Variants in DLG2 observed in about 807,000 individuals in gnomAD.
DLG2 encodes discs large MAGUK scaffold protein 2, also known as disks large homolog 2.
DLG2 carries 45 observed loss-of-function variants against 132.5 expected under a neutral mutation model. That is an observed-to-expected ratio of 0.34 (90% CI 0.27 to 0.44). The LOEUF (loss-of-function observed/expected upper bound fraction) is 0.44. Among genes scored for constraint, DLG2 ranks in the 20% least tolerant of loss-of-function variants. DLG2 has a pLI of 1.00. For missense variants in DLG2, 1,045 were observed against 1,196.9 expected (o/e 0.87, Z 1.87); for synonymous variants, 424 against 419.6 (o/e 1.01, Z -0.13).
intron 3 of DLG2, among the ~76,000 whole-genome samples, chr11:85,443,845 C>G (rs1012213003): frequency 3.3e-5 from 5 of 152,164 alleles, no homozygotes; most frequent in African/African-American, 1.2e-4. Flanking sequence ...TTTTATCAAG[C>G]TGTTCTTTGG....
At chr11:84,226,864 G>C (rs2097003515) in intron 8 of DLG2, among the ~76,000 whole-genome samples, 1 of 151,930 alleles carries the variant, frequency 6.6e-6, no homozygotes, top group South Asian at 2.1e-4. Context: ...AAGGCAGGCG[G>C]CACATGAGGT....
intron 8 of DLG2, among the ~76,000 whole-genome samples, chr11:84,177,534 A>G (rs1414622983): frequency 6.6e-6 from 1 of 152,200 alleles, no homozygotes; most frequent in African/African-American, 2.4e-5. Context: ...GAAAAGTTAA[A>G]TAGCCTGAGT....
At chr11:84,970,017 T>A (rs756007323) in intron 6 of DLG2, among the ~76,000 whole-genome samples, 13 of 151,740 alleles carry the variant, frequency 8.6e-5, no homozygotes, top group Non-Finnish European at 1.8e-4. Context: ...GGGCCTTTTG[T>A]GGGGTGGGGG....
At chr11:85,268,150 G>A (rs72950128) in intron 4 of DLG2, among the ~76,000 whole-genome samples, 7,329 of 152,150 alleles carry the variant, frequency 0.048, 232 homozygotes, top group East Asian at 0.095. Context: ...TTACTGACAC[G>A]TTCTTCATGC....
At chr11:85,321,729 G>A (rs2081082473) in intron 3 of DLG2, among the ~76,000 whole-genome samples, 1 of 152,028 alleles carries the variant, frequency 6.6e-6, no homozygotes, top group Admixed American at 6.6e-5. Context: ...GATCAACTGT[G>A]ACAAAAGATT....
chr11:83,957,568 T>C (rs1009053386), intron 14 of DLG2, among the ~76,000 whole-genome samples: 2 of 133,468 alleles, frequency 1.5e-5, no homozygotes, highest in African/African-American at 6.0e-5. Flanking sequence ...TTTTTTTTTT[T>C]TTTAAAAACA....
rs556433554 is a variant in DLG2, at chr11:83,486,206, A to G, written c.2194-1978T>C. The G allele has an allele frequency of 2.9e-3, 2,028 of 689,656 alleles. 34 individuals are homozygous for G. The highest frequency in any genetic ancestry group is 7.8e-4 in the Non-Finnish European group (299 of 380,912). 42.7% of individuals were successfully genotyped at this position (689,656 alleles called of 1,614,324 possible). A position where few individuals can be genotyped will look rare whatever the true frequency, so the allele number is the denominator to read the frequency against. ...ATACTAAATATTCTTGCATCACTCC[A>G]GTTTCATGCCACTTTTACATTTCAA... On this transcript the variant is annotated intron_variant, in intron 21 of 27. Coordinates refer to ENST00000376104, the MANE Select transcript of DLG2 (RefSeq NM_001142699.3).
At chr11:83,719,529 A>T (rs1467664634) in intron 18 of DLG2, among the ~76,000 whole-genome samples, 2 of 152,154 alleles carry the variant, frequency 1.3e-5, no homozygotes, top group African/African-American at 2.4e-5. Flanking sequence ...ACTCCTGGCA[A>T]AAGGGGAAGG....
intron 16 of DLG2, among the ~76,000 whole-genome samples, chr11:83,854,532 A>T (rs538173608): frequency 2.6e-5 from 4 of 152,274 alleles, no homozygotes; most frequent in Admixed American, 2.6e-4. Context: ...GAACAACTGG[A>T]CATCCACATG....
chr11:84,553,523 G>A (rs774325536), intron 6 of DLG2, among the ~76,000 whole-genome samples: 1 of 152,236 alleles, frequency 6.6e-6, no homozygotes. Flanking sequence ...AGCTTTGGCC[G>A]TATAAAGGAG....
chr11:84,386,290 T>C (rs1040647834), intron 7 of DLG2, among the ~76,000 whole-genome samples: 10 of 152,044 alleles, frequency 6.6e-5, no homozygotes, highest in Non-Finnish European at 1.0e-4. Context: ...TTTCTATACA[T>C]GAAAAATGAA....
intron 3 of DLG2, among the ~76,000 whole-genome samples, chr11:85,345,293 T>C (rs759010938): frequency 6.6e-6 from 1 of 152,150 alleles, no homozygotes; most frequent in Non-Finnish European, 1.5e-5. Flanking sequence ...TTGGTGCTCC[T>C]TGGGGCACAA....
intron 7 of DLG2, among the ~76,000 whole-genome samples, chr11:84,308,036 A>C (rs1478071624): frequency 6.6e-6 from 1 of 152,196 alleles, no homozygotes; most frequent in Non-Finnish European, 1.5e-5. Context: ...ATTTATTGCA[A>C]AGAGCGAAAG....
chr11:84,733,805 A>G (rs1254381752), intron 6 of DLG2, among the ~76,000 whole-genome samples: 2 of 152,074 alleles, frequency 1.3e-5, no homozygotes, highest in South Asian at 2.1e-4. Flanking sequence ...ATCTTGAACT[A>G]ATTTTTGTAT....
At position 85,531,544 on chromosome 11, in the gene DLG2, G is replaced by T. The variant is rs980027175; in HGVS notation, c.40+67113C>A. On this transcript the variant is annotated intron_variant, in intron 3 of 27. Coordinates refer to ENST00000376104, the MANE Select transcript of DLG2 (RefSeq NM_001142699.3). ...CCAATGGAATTTTAAAATGTAGACT[G>T]ATTGTTGCTACAGGAAAGGAGTTTT... is the stretch of plus-strand genomic sequence containing the variant. Among the ~76,000 whole-genome samples, 2 of 152,208 alleles carry T rather than the reference G, an allele frequency of 1.3e-5. 1 individual carries two copies. Among genetic ancestry groups the T allele is most frequent in the Non-Finnish European group, 2.9e-5 (2 of 68,030 alleles).
chr11:84,109,555 C>T (rs998042234), intron 9 of DLG2, among the ~76,000 whole-genome samples: 1 of 152,180 alleles, frequency 6.6e-6, no homozygotes. Context: ...CAGTGATACT[C>T]CAACTACAAA....
chr11:85,138,016 A>G (rs1271275799), intron 5 of DLG2, among the ~76,000 whole-genome samples: 1 of 152,182 alleles, frequency 6.6e-6, no homozygotes, highest in Non-Finnish European at 1.5e-5. Flanking sequence ...TGTTCAAGTT[A>G]AATGTGTATC....
chr11:85,272,143 T>C (rs1252861609), intron 4 of DLG2, among the ~76,000 whole-genome samples: 3 of 152,208 alleles, frequency 2.0e-5, no homozygotes. Context: ...ATTCTCATGA[T>C]AGTGAATAGG....
At chr11:83,672,025 G>C (rs1194551209) in intron 18 of DLG2, among the ~76,000 whole-genome samples, 1 of 152,126 alleles carries the variant, frequency 6.6e-6, no homozygotes, top group Non-Finnish European at 1.5e-5. Context: ...AGAATGAATG[G>C]AGGGTAAGAC....
Sources: gnomAD v4.1 joint callset for allele counts (sites outside exome capture counted in the v4.1 genomes callset) on GRCh38, gnomAD v4.1.1 for gene constraint, MANE v1.5 for transcripts, NCBI Gene and HGNC (gene_info 2026-07-23, HGNC 2026-07-21) for gene names.